Variants in TNR observed in about 807,000 individuals in gnomAD.
TNR encodes the protein tenascin R, also known as tenascin-R.
In TNR, 45 loss-of-function variants were observed where a neutral mutation model predicts 150.4. The observed-to-expected ratio is 0.30, with a 90% CI of 0.24 to 0.38. TNR has a LOEUF of 0.38. Ranked by LOEUF, TNR falls within the 10% of genes least tolerant of loss-of-function variation. TNR has a pLI of 1.00. For synonymous variants in TNR, 687 were observed against 678.4 expected, an observed-to-expected ratio of 1.01 and a Z score of -0.20; for missense variants, 1,544 against 1,759.1, an observed-to-expected ratio of 0.88 and a Z score of 2.19.
intron 1 of TNR, among the ~76,000 whole-genome samples, chr1:175,690,545 G>C (rs1425444649): frequency 1.3e-5 from 2 of 152,232 alleles, no homozygotes; most frequent in African/African-American, 2.4e-5. Context: ...TGGGTTTGAG[G>C]ACAGGAGGGA....
chr1:175,712,701 C>A (rs991366054), intron 1 of TNR, among the ~76,000 whole-genome samples: 1 of 151,754 alleles, frequency 6.6e-6, no homozygotes, highest in Admixed American at 6.6e-5. Context: ...GATCACCCAC[C>A]CTCTCTCTCT....
At chr1:175,547,629 G>C (rs970079130) in intron 1 of TNR, among the ~76,000 whole-genome samples, 6 of 110,812 alleles carry the variant, frequency 5.4e-5, no homozygotes, top group Admixed American at 9.4e-5. Flanking sequence ...AACAAAGAAA[G>C]AAAGAAAGAG....
At position 175,618,633 on chromosome 1, in the gene TNR, G is replaced by A. The variant is rs143713778; in HGVS notation, c.-164-90264C>T. ...TCCTTAGCCCTAGGAGTAGGGCACT[G>A]CTTTGCTCAGGAGAACCATACAGAA... On this transcript the variant is annotated intron_variant, in intron 1 of 22. Transcript: ENST00000367674. Among the ~76,000 whole-genome samples the A allele has an allele frequency of 3.8e-3, 583 of 152,298 alleles. 4 individuals carry two copies. Among genetic ancestry groups the A allele is most frequent in the African/African-American group, 0.013 (554 of 41,556 alleles).
intron 18 of TNR, among the ~76,000 whole-genome samples, chr1:175,338,927 C>T (rs1451126799): frequency 7.2e-5 from 11 of 152,232 alleles, no homozygotes; most frequent in Admixed American, 7.2e-4. Context: ...CTTCAACTTG[C>T]TGCCACACAC....
intron 2 of TNR, among the ~76,000 whole-genome samples, chr1:175,447,486 T>TC (rs1203544458): frequency 6.6e-6 from 1 of 152,206 alleles, no homozygotes; most frequent in African/African-American, 2.4e-5. Flanking sequence ...GGCATTCAGT[T>TC]CCTTCTGCTT....
intron 20 of TNR, among the ~76,000 whole-genome samples, chr1:175,332,762 C>G (rs1392342173): frequency 6.6e-6 from 1 of 152,140 alleles, no homozygotes; most frequent in Non-Finnish European, 1.5e-5. Context: ...ATTCTTCTGA[C>G]TGACTCATCC....
chr1:175,557,187 C>T (rs1017394306), intron 1 of TNR, among the ~76,000 whole-genome samples: 1 of 152,170 alleles, frequency 6.6e-6, no homozygotes, highest in African/African-American at 2.4e-5. Flanking sequence ...AGACCTTTCT[C>T]CAATTGAGAA....
At chr1:175,699,021 A>G (rs1185423204) in intron 1 of TNR, among the ~76,000 whole-genome samples, 1 of 152,206 alleles carries the variant, frequency 6.6e-6, no homozygotes, top group African/African-American at 2.4e-5. Flanking sequence ...AGAAGGAAGC[A>G]GGAATACCAA....
At chr1:175,544,868 T>G (rs958605817) in intron 1 of TNR, among the ~76,000 whole-genome samples, 1 of 152,240 alleles carries the variant, frequency 6.6e-6, no homozygotes, top group African/African-American at 2.4e-5. Context: ...TTGGGCCATG[T>G]GGCTGGCTTT....
At chr1:175,572,335 A>T (rs944229768) in intron 1 of TNR, among the ~76,000 whole-genome samples, 6 of 152,202 alleles carry the variant, frequency 3.9e-5, no homozygotes, top group African/African-American at 1.4e-4. Context: ...ATCTGGAAAT[A>T]TTTACATTCT....
intron 1 of TNR, among the ~76,000 whole-genome samples, chr1:175,602,012 G>C (rs1663256694): frequency 2.6e-5 from 4 of 152,044 alleles, no homozygotes; most frequent in African/African-American, 9.7e-5. Flanking sequence ...AGAGCAGGGA[G>C]ATCAAAAACC....
intron 7 of TNR, among the ~76,000 whole-genome samples, chr1:175,389,068 C>T (rs1162654427): frequency 6.6e-6 from 1 of 152,168 alleles, no homozygotes. Flanking sequence ...ATAACTTGGG[C>T]ACCTTGTAAC....
At chr1:175,491,411 A>G (rs534308373) in intron 2 of TNR, among the ~76,000 whole-genome samples, 5 of 152,176 alleles carry the variant, frequency 3.3e-5, no homozygotes, top group South Asian at 2.1e-4. Context: ...TCAAATGTTA[A>G]ATTTTCTTCT....
At chr1:175,530,194 G>A (rs1571566914) in intron 1 of TNR, among the ~76,000 whole-genome samples, 1 of 152,192 alleles carries the variant, frequency 6.6e-6, no homozygotes, top group East Asian at 1.9e-4. Context: ...AACAGCTTGA[G>A]ACTGGATATG....
intron 1 of TNR, among the ~76,000 whole-genome samples, chr1:175,739,449 G>C (rs1207447080): frequency 6.6e-6 from 1 of 152,006 alleles, no homozygotes; most frequent in Non-Finnish European, 1.5e-5. Flanking sequence ...TGTCCAAACT[G>C]GTTATATATA....
chr1:175,707,541 T>C (rs1666874102), intron 1 of TNR, among the ~76,000 whole-genome samples: 1 of 152,218 alleles, frequency 6.6e-6, no homozygotes, highest in African/African-American at 2.4e-5. Flanking sequence ...AAAAGGTAGT[T>C]TGGCTGATCT....
At chr1:175,359,164 T>TTTTTTTTTTTTG (rs1651472481) in intron 15 of TNR, among the ~76,000 whole-genome samples, 2 of 139,530 alleles carry the variant, frequency 1.4e-5, no homozygotes, top group Admixed American at 1.4e-4. Flanking sequence ...TTTTTTTTTT[T>TTTTTTTTTTTTG]AGATGGAGTC....
chr1:175,736,535 G>A (rs1212659010), intron 1 of TNR, among the ~76,000 whole-genome samples: 1 of 151,766 alleles, frequency 6.6e-6, no homozygotes, highest in Non-Finnish European at 1.5e-5. Context: ...AAAAAAAGAT[G>A]TGATGATCTC....
At chr1:175,714,478 G>A (rs905106476) in intron 1 of TNR, among the ~76,000 whole-genome samples, 7 of 152,134 alleles carry the variant, frequency 4.6e-5, no homozygotes, top group African/African-American at 9.7e-5. Flanking sequence ...CTGGCACTGC[G>A]CCCCAGAAGC....
Sources: gnomAD v4.1 joint callset for allele counts (sites outside exome capture counted in the v4.1 genomes callset) on GRCh38, gnomAD v4.1.1 for gene constraint, MANE v1.5 for transcripts, NCBI Gene and HGNC (gene_info 2026-07-23, HGNC 2026-07-21) for gene names.